TRAPPC8: variants seen among roughly 807,000 people sequenced by gnomAD.
TRAPPC8 encodes trafficking protein particle complex subunit 8, also known as general sporulation gene 1 homolog.
Under a neutral mutation model 174.3 loss-of-function variants are expected in TRAPPC8, and 54 were observed. That is an observed-to-expected ratio of 0.31 (90% CI 0.25 to 0.39). The LOEUF (loss-of-function observed/expected upper bound fraction) is 0.39, where lower values mean the gene tolerates loss of function less well. Ranked by LOEUF, TRAPPC8 falls within the 10% of genes least tolerant of loss-of-function variation. TRAPPC8 has a pLI of 1.00. For synonymous variants in TRAPPC8, 630 were observed against 579.9 expected (o/e 1.09, Z -1.24); for missense variants, 1,531 against 1,699.1 (o/e 0.90, Z 1.74).
At chr18:31,883,224 G>GAAAAAAAAAAAAAAAAA (rs397858732) in intron 12 of TRAPPC8, 1 of 96,730 alleles carries the variant, frequency 1.0e-5, no homozygotes. Flanking sequence ...CTTCATCTCA[G>GAAAAAAAAAAAAAAAAA]AAAAAAAAAA....
At chr18:31,921,890 C>T (rs550323830) in intron 2 of TRAPPC8, among the ~76,000 whole-genome samples, 90 of 152,144 alleles carry the variant, frequency 5.9e-4, no homozygotes, top group Non-Finnish European at 1.0e-3. Flanking sequence ...TTTCTTATTG[C>T]CTGAAAATTG....
At chr18:31,926,053 TGTGGA>T (rs2037601179) in intron 2 of TRAPPC8, among the ~76,000 whole-genome samples, 1 of 152,188 alleles carries the variant, frequency 6.6e-6, no homozygotes, top group South Asian at 2.1e-4. Context: ...GGATGACAGC[TGTGGA>T]GTGGGCCTCG....
chr18:31,877,270 C>T (rs6506946), intron 12 of TRAPPC8, among the ~76,000 whole-genome samples: 93,542 of 151,950 alleles, frequency 0.62, 29,221 homozygotes, highest in South Asian at 0.76. Flanking sequence ...GCAGACGTGT[C>T]CTTGGGGAAA....
rs2038418243 is a variant in TRAPPC8 at position 31,942,974 on chromosome 18, C to A, written c.-210G>T. 1 of 1,034,220 alleles carries A rather than the reference C, an allele frequency of 9.7e-7. No individual in the cohort carries two copies. Among genetic ancestry groups the A allele is most frequent in the Non-Finnish European group, 1.2e-6 (1 of 805,760 alleles). The allele number at this position is 1,034,220 out of a possible 1,614,324, so 64.1% of individuals were successfully genotyped here. Reference sequence around the variant, plus strand: ...GACCCCCCCCTTCCCGTCACCGCCGCTTCTCAGCGCTCGTCCCCGCGTGCT... The same window carrying A: ...GACCCCCCCCTTCCCGTCACCGCCGATTCTCAGCGCTCGTCCCCGCGTGCT... On this transcript the variant is annotated 5_prime_UTR_variant, in exon 1 of 29. Transcript: ENST00000283351.
At chr18:31,906,198 G>A (rs1431603459) in intron 9 of TRAPPC8, among the ~76,000 whole-genome samples, 3 of 150,640 alleles carry the variant, frequency 2.0e-5, no homozygotes, top group African/African-American at 7.3e-5. Flanking sequence ...AAAATTAGAT[G>A]GGTATGGTCG....
At chr18:31,869,846 C>A (rs770242661) in intron 16 of TRAPPC8, among the ~76,000 whole-genome samples, 1 of 152,006 alleles carries the variant, frequency 6.6e-6, no homozygotes, top group Non-Finnish European at 1.5e-5. Flanking sequence ...CCCAGCACTT[C>A]GGGAGGCTGA....
chr18:31,876,003 G>GGTGACTATA (rs2035124508), intron 12 of TRAPPC8, among the ~76,000 whole-genome samples: 1 of 152,014 alleles, frequency 6.6e-6, no homozygotes, highest in South Asian at 2.1e-4. Flanking sequence ...AGATCAGCAG[G>GGTGACTATA]GTGACTATAG....
intron 4 of TRAPPC8, among the ~76,000 whole-genome samples, chr18:31,916,071 A>G (rs1032531608): frequency 6.6e-5 from 10 of 151,752 alleles, no homozygotes; most frequent in African/African-American, 2.2e-4. Context: ...AAAAAAAAAA[A>G]AAAGAAATCT....
chr18:31,897,643 TA>T, intron 11 of TRAPPC8, 142 bp downstream of exon 11: 1 of 500,490 alleles, frequency 2.0e-6, no homozygotes. Flanking sequence ...AACAAAAAAC[TA>T]AAATAGCCAT....
intron 26 of TRAPPC8, among the ~76,000 whole-genome samples, chr18:31,845,902 CT>C (rs1292681569): frequency 6.6e-6 from 1 of 152,040 alleles, no homozygotes; most frequent in Admixed American, 6.6e-5. Flanking sequence ...TTCATATTTA[CT>C]ATGAAAGTTT....
At chr18:31,903,423 G>C (rs534500426) in intron 9 of TRAPPC8, among the ~76,000 whole-genome samples, 2 of 152,120 alleles carry the variant, frequency 1.3e-5, no homozygotes, top group South Asian at 4.2e-4. Context: ...AACACTTTGG[G>C]TTATGGTGTA....
intron 12 of TRAPPC8, chr18:31,883,711 C>T (rs2035570609): frequency 6.6e-6 from 1 of 152,144 alleles, no homozygotes; most frequent in African/African-American, 2.4e-5. Flanking sequence ...TTTTTAATAA[C>T]AGGTATCTCA....
At chr18:31,892,348 T>A (rs2035990690) in intron 11 of TRAPPC8, among the ~76,000 whole-genome samples, 1 of 152,228 alleles carries the variant, frequency 6.6e-6, no homozygotes, top group African/African-American at 2.4e-5. Context: ...GGTATTTATA[T>A]GGAGTACCTT....
rs771128672 is a variant in TRAPPC8, at chr18:31,853,864, G to A, written c.3418C>T (p.Leu1140Phe). 1 of 1,607,258 alleles carries A rather than the reference G, an allele frequency of 6.2e-7. No homozygotes were observed. The highest frequency in any genetic ancestry group is 1.7e-5 in the Admixed American group (1 of 58,012). Residue 1140 changes from leucine to phenylalanine, a missense_variant, in exon 22 of 29, where the codon CTT (leucine) becomes TTT (phenylalanine). Physicochemically the swap from Leu to Phe is conservative, Grantham distance 22. Transcript: ENST00000283351. ...ACAAACAAACCTTTGTTTTCAGAAA[G>A]ATTTACAGATTTCTGTAACTTCCAG... is the stretch of plus-strand genomic sequence containing the variant. ...KHWKLQKSVN[L>F]SENKDTKLAS...
At chr18:31,851,513 CTTT>C (rs34103534) in intron 24 of TRAPPC8, among the ~76,000 whole-genome samples, 2 of 145,764 alleles carry the variant, frequency 1.4e-5, no homozygotes. Context: ...CTAGGAGGCT[CTTT>C]TTTTTTTTTT....
At chr18:31,903,363 C>G (rs958227612) in intron 9 of TRAPPC8, among the ~76,000 whole-genome samples, 1 of 152,172 alleles carries the variant, frequency 6.6e-6, no homozygotes, top group African/African-American at 2.4e-5. Flanking sequence ...TAGTTAATAT[C>G]TGAAGTCTCC....
At chr18:31,851,636 C>A (rs371216649) in intron 24 of TRAPPC8, among the ~76,000 whole-genome samples, 7 of 151,982 alleles carry the variant, frequency 4.6e-5, no homozygotes, top group African/African-American at 9.7e-5. Context: ...AAATTACAGG[C>A]ATGAGCCACC....
rs1325458386 is a variant in TRAPPC8, at chr18:31,890,871, T to A, written c.1597-5A>T. The A allele has an allele frequency of 2.5e-6, 4 of 1,599,528 alleles. No homozygotes were observed. Among genetic ancestry groups the A allele is most frequent in the Non-Finnish European group, 1.7e-6 (2 of 1,174,346 alleles). ...TGCACTTCGAAGATCAGAATCCTAG[T>A]GAATGTTTAAAAGAGAAAAAGGTTA... On this transcript the variant is annotated splice_region_variant and splice_polypyrimidine_tract_variant and intron_variant, in intron 11 of 28. Transcript: ENST00000283351.
chr18:31,935,981 C>T (rs1165044286), intron 1 of TRAPPC8, among the ~76,000 whole-genome samples: 1 of 151,804 alleles, frequency 6.6e-6, no homozygotes, highest in East Asian at 2.0e-4. Context: ...TCATGATCCA[C>T]CCACCTCGGC....
Sources: allele counts gnomAD v4.1 joint callset (sites outside exome capture counted in the v4.1 genomes callset), GRCh38; gene constraint gnomAD v4.1.1; transcripts MANE v1.5; gene names NCBI Gene and HGNC (gene_info 2026-07-23, HGNC 2026-07-21).